RALGPS2: variants seen among roughly 807,000 people sequenced by gnomAD.
RALGPS2 encodes Ral GEF with PH domain and SH3 binding motif 2, also known as ras-specific guanine nucleotide-releasing factor RalGPS2.
A neutral mutation model predicts 86.8 loss-of-function variants in RALGPS2; 43 were observed. The ratio of observed to expected loss-of-function variants is 0.50; its 90% CI spans 0.39 to 0.64. RALGPS2 has a LOEUF of 0.64. Ranked by LOEUF, RALGPS2 falls within the 30% of genes least tolerant of loss-of-function variation. The probability of loss-of-function intolerance (pLI) is 0.00; values close to 1 mark genes in which losing one functional copy is unlikely to be tolerated. For missense variants in RALGPS2, 536 were observed against 694.6 expected (o/e 0.77, Z 2.57); for synonymous variants, 243 against 231.3 (o/e 1.05, Z -0.46).
chr1:178,790,020 C>T (rs1456936300), intron 4 of RALGPS2, among the ~76,000 whole-genome samples: 4 of 152,034 alleles, frequency 2.6e-5, no homozygotes, highest in Non-Finnish European at 5.9e-5. Context: ...GCAATGACGG[C>T]TCACTGCAGC....
chr1:178,781,840 G>C (rs757220774), intron 2 of RALGPS2, among the ~76,000 whole-genome samples: 1 of 151,946 alleles, frequency 6.6e-6, no homozygotes, highest in Non-Finnish European at 1.5e-5. Flanking sequence ...TATTAGTTTT[G>C]GGATGTAAAA....
chr1:178,764,455 C>T (rs180691437), intron 1 of RALGPS2, among the ~76,000 whole-genome samples: 1 of 152,226 alleles, frequency 6.6e-6, no homozygotes, highest in East Asian at 1.9e-4. Context: ...AGCATTTAGT[C>T]CATTTACATT....
chr1:178,805,086 G>A (rs201482329), intron 4 of RALGPS2, among the ~76,000 whole-genome samples: 1 of 151,608 alleles, frequency 6.6e-6, no homozygotes, highest in African/African-American at 2.4e-5. Context: ...CTTTTGAGAA[G>A]TGTCTGTTCA....
intron 16 of RALGPS2, among the ~76,000 whole-genome samples, chr1:178,896,613 C>T (rs1659954498): frequency 6.8e-6 from 1 of 146,632 alleles, no homozygotes; most frequent in African/African-American, 2.5e-5. Context: ...TGCTATCCCT[C>T]CCCCGACCCC....
chr1:178,766,386 A>ATT lies in RALGPS2; in HGVS notation c.-83-10283_-83-10282dup, dbSNP rs35601726. On this transcript the variant is annotated intron_variant, in intron 1 of 19. Coordinates refer to ENST00000367635, the MANE Select transcript of RALGPS2 (RefSeq NM_152663.5). ...AGGTGCCTGCTACCACACCCGGCTA[A>ATT]TTTTTTTTTTTTTTGCATTTTTAGT... 1.7e-3 allele frequency among the ~76,000 whole-genome samples: 242 copies of ATT among 144,932 alleles called. 1 individual carries two copies. Among genetic ancestry groups the ATT allele is most frequent in the African/African-American group, 5.0e-3 (196 of 39,462 alleles).
chr1:178,881,085 A>G (rs1330929916), intron 10 of RALGPS2, among the ~76,000 whole-genome samples: 3 of 152,186 alleles, frequency 2.0e-5, no homozygotes, highest in African/African-American at 7.2e-5. Flanking sequence ...TAAAAATAAG[A>G]TACTGTTCTT....
chr1:178,779,920 G>C (rs1653299338), intron 2 of RALGPS2, among the ~76,000 whole-genome samples: 1 of 152,168 alleles, frequency 6.6e-6, no homozygotes, highest in East Asian at 1.9e-4. Flanking sequence ...TTTTAGTAGA[G>C]ATGGGGTTTC....
At chr1:178,801,890 G>A (rs887708129) in intron 4 of RALGPS2, among the ~76,000 whole-genome samples, 3 of 152,108 alleles carry the variant, frequency 2.0e-5, no homozygotes, top group Non-Finnish European at 4.4e-5. Flanking sequence ...TCCGTTTGAA[G>A]CCCTCCATTC....
At chr1:178,779,412 C>G (rs1464367223) in intron 2 of RALGPS2, among the ~76,000 whole-genome samples, 1 of 152,092 alleles carries the variant, frequency 6.6e-6, no homozygotes, top group Non-Finnish European at 1.5e-5. Flanking sequence ...ACACCTTGAC[C>G]TCAAAGTTCC....
At chr1:178,914,789 G>T (rs750745862) in intron 19 of RALGPS2, among the ~76,000 whole-genome samples, 1 of 152,094 alleles carries the variant, frequency 6.6e-6, no homozygotes, top group Non-Finnish European at 1.5e-5. Flanking sequence ...CTCCATAAAG[G>T]ACATGAAATG....
intron 13 of RALGPS2, among the ~76,000 whole-genome samples, chr1:178,886,790 G>T (rs1448052361): frequency 6.6e-6 from 1 of 151,928 alleles, no homozygotes; most frequent in Admixed American, 6.6e-5. Flanking sequence ...TGAAGTAAGG[G>T]GAAAAAAACA....
chr1:178,888,171 C>A lies in RALGPS2; in HGVS notation c.1193-1471C>A, dbSNP rs563669551. ...TGTTTATTTTTTAATTATTCTAAGGCTAAGTAAGTAAACAGTAAAAGATCA... is the reference window on the plus strand; with the variant it reads ...TGTTTATTTTTTAATTATTCTAAGGATAAGTAAGTAAACAGTAAAAGATCA... On this transcript the variant is annotated intron_variant, in intron 13 of 19. Transcript: ENST00000367635. Among the ~76,000 whole-genome samples the A allele has an allele frequency of 5.3e-5, 8 of 152,010 alleles. No homozygotes were observed. The South Asian group carries it at 1.7e-3, about 32-fold the overall frequency.
At chr1:178,778,590 C>T in intron 2 of RALGPS2, among the ~76,000 whole-genome samples, 1 of 99,770 alleles carries the variant, frequency 1.0e-5, no homozygotes, top group Middle Eastern at 3.8e-3. Context: ...AAGACACATG[C>T]ACACGTATGT....
At chr1:178,725,718 C>T (rs971574122) in intron 1 of RALGPS2, 2 of 152,132 alleles carry the variant, frequency 1.3e-5, no homozygotes, top group African/African-American at 4.8e-5. Flanking sequence ...GCTGCGACCC[C>T]TTGAACCCGC....
intron 16 of RALGPS2, among the ~76,000 whole-genome samples, chr1:178,896,246 A>G (rs991020729): frequency 6.6e-6 from 1 of 151,988 alleles, no homozygotes; most frequent in African/African-American, 2.4e-5. Context: ...TGGGCAAAAC[A>G]GAAGAAGTAG....
chr1:178,867,313 C>A lies in RALGPS2; in HGVS notation c.608-10185C>A, dbSNP rs114280718. Reference sequence around the variant, plus strand: ...AAACTTGGCATCCAAAAGTTAAGTACCTTATTATCAAGAGTCACACAGGTT... The same window carrying A: ...AAACTTGGCATCCAAAAGTTAAGTAACTTATTATCAAGAGTCACACAGGTT... On this transcript the variant is annotated intron_variant, in intron 8 of 19. Coordinates refer to ENST00000367635, the MANE Select transcript of RALGPS2 (RefSeq NM_152663.5). 6.7e-3 allele frequency among the ~76,000 whole-genome samples: 1,012 copies of A among 152,150 alleles called. 8 individuals carry two copies. The highest frequency in any genetic ancestry group is 0.023 in the African/African-American group (937 of 41,528).
chr1:178,836,599 A>G (rs1656283819), intron 8 of RALGPS2, among the ~76,000 whole-genome samples: 1 of 152,122 alleles, frequency 6.6e-6, no homozygotes, highest in African/African-American at 2.4e-5. Flanking sequence ...CTCAAGCCCC[A>G]TCTTAATTGT....
intron 8 of RALGPS2, among the ~76,000 whole-genome samples, chr1:178,871,534 A>G (rs1034522503): frequency 6.6e-6 from 1 of 152,040 alleles, no homozygotes; most frequent in African/African-American, 2.4e-5. Context: ...TAAGTTGCTA[A>G]TGAAGGTTTT....
At chr1:178,763,349 AT>A (rs1652341242) in intron 1 of RALGPS2, among the ~76,000 whole-genome samples, 1 of 152,166 alleles carries the variant, frequency 6.6e-6, no homozygotes, top group Non-Finnish European at 1.5e-5. Flanking sequence ...TTCCACATGA[AT>A]TTTAAAACAG....
Sources: allele counts gnomAD v4.1 joint callset (sites outside exome capture counted in the v4.1 genomes callset), GRCh38; gene constraint gnomAD v4.1.1; transcripts MANE v1.5; gene names NCBI Gene and HGNC (gene_info 2026-07-23, HGNC 2026-07-21).